The following PTPN13 variants were observed in gnomAD, a reference collection of about 807,000 sequenced individuals.
The protein encoded by PTPN13 is protein tyrosine phosphatase non-receptor type 13, also known as tyrosine-protein phosphatase non-receptor type 13.
Under a neutral mutation model 284.0 loss-of-function variants are expected in PTPN13, and 191 were observed. The ratio of observed to expected loss-of-function variants is 0.67; its 90% CI spans 0.60 to 0.76. The LOEUF is 0.76. Ranked by LOEUF, PTPN13 falls within the 30% of genes least tolerant of loss-of-function variation. PTPN13 has a pLI of 0.00. For synonymous variants in PTPN13, 986 were observed against 1,022.3 expected, an observed-to-expected ratio of 0.96 and a Z score of 0.68; for missense variants, 2,797 against 2,939.9, an observed-to-expected ratio of 0.95 and a Z score of 1.12.
At chr4:86,748,515 A>T (rs1737028475) in intron 17 of PTPN13, among the ~76,000 whole-genome samples, 1 of 152,172 alleles carries the variant, frequency 6.6e-6, no homozygotes, top group Non-Finnish European at 1.5e-5. Context: ...TTCTTTAAGG[A>T]TGGAGAAACC....
chr4:86,676,125 C>T (rs1188810162), intron 3 of PTPN13, among the ~76,000 whole-genome samples: 1 of 152,176 alleles, frequency 6.6e-6, no homozygotes, highest in Non-Finnish European at 1.5e-5. Flanking sequence ...ACCGTACATA[C>T]TTTGTATTAA....
chr4:86,699,036 C>T (rs563343585), intron 6 of PTPN13, among the ~76,000 whole-genome samples: 1 of 152,206 alleles, frequency 6.6e-6, no homozygotes, highest in African/African-American at 2.4e-5. Context: ...ATCCAGAATA[C>T]ATATTGGGGA....
chr4:86,806,549 TA>T lies in PTPN13; in HGVS notation c.6746-1008del, dbSNP rs758820415. Among the ~76,000 whole-genome samples the T allele has an allele frequency of 2.6e-5, 4 of 152,310 alleles. No individual in the cohort carries two copies. In the East Asian group the frequency reaches 5.8e-4, roughly 22 times the overall value. On this transcript the variant is annotated intron_variant, in intron 44 of 47. Coordinates refer to ENST00000411767, the MANE Select transcript of PTPN13 (RefSeq NM_080683.3). Reference sequence around the variant, plus strand: ...AAATGGATCAGATCACTGTTTGGCATAAAGTATATGGGAGTTATTTTAGACA... The same window carrying T: ...AAATGGATCAGATCACTGTTTGGCATAAGTATATGGGAGTTATTTTAGACA...
At chr4:86,612,342 A>T (rs2148624401) in intron 1 of PTPN13, among the ~76,000 whole-genome samples, 1 of 152,368 alleles carries the variant, frequency 6.6e-6, no homozygotes, top group Non-Finnish European at 1.5e-5. Flanking sequence ...ATACATTAAA[A>T]GTTTTATGTA....
intron 7 of PTPN13, among the ~76,000 whole-genome samples, chr4:86,705,563 GTTTTAAAAGTT>G (rs1291744107): frequency 6.6e-6 from 1 of 151,970 alleles, no homozygotes; most frequent in East Asian, 1.9e-4. Flanking sequence ...AACTATTTGT[GTTTTAAAAGTT>G]TTAAAAAGAA....
intron 35 of PTPN13, among the ~76,000 whole-genome samples, chr4:86,777,040 C>G (rs1740738704): frequency 6.6e-6 from 1 of 152,158 alleles, no homozygotes; most frequent in African/African-American, 2.4e-5. Context: ...AACAGTTTCA[C>G]ATTATAAAAC....
intron 16 of PTPN13, among the ~76,000 whole-genome samples, chr4:86,743,730 A>G (rs1736420710): frequency 6.6e-6 from 1 of 152,214 alleles, no homozygotes; most frequent in Admixed American, 6.5e-5. Context: ...AAATTTATAA[A>G]TAACCAAGGC....
At chr4:86,783,209 GAT>G (rs1741518920) in intron 37 of PTPN13, among the ~76,000 whole-genome samples, 1 of 152,138 alleles carries the variant, frequency 6.6e-6, no homozygotes, top group African/African-American at 2.4e-5. Flanking sequence ...GCCATGAAAA[GAT>G]AATTACAGCA....
chr4:86,798,134 G>T (rs1280907349), intron 41 of PTPN13, among the ~76,000 whole-genome samples: 2 of 152,106 alleles, frequency 1.3e-5, no homozygotes, highest in Non-Finnish European at 2.9e-5. Flanking sequence ...CAAAAAGTCA[G>T]AAGGAGCCAA....
intron 16 of PTPN13, among the ~76,000 whole-genome samples, chr4:86,743,720 A>G (rs555133645): frequency 6.6e-6 from 1 of 152,326 alleles, no homozygotes; most frequent in African/African-American, 2.4e-5. Context: ...GTCCATTGAA[A>G]AATTTATAAA....
chr4:86,696,017 A>G (rs897890653), intron 6 of PTPN13, among the ~76,000 whole-genome samples: 1 of 152,038 alleles, frequency 6.6e-6, no homozygotes, highest in Non-Finnish European at 1.5e-5. Flanking sequence ...AAATGCTAAC[A>G]TAATTTAGAT....
At chr4:86,627,340 G>A (rs1412356069) in intron 1 of PTPN13, among the ~76,000 whole-genome samples, 1 of 151,964 alleles carries the variant, frequency 6.6e-6, no homozygotes, top group Non-Finnish European at 1.5e-5. Context: ...TAAAAAAAAT[G>A]AGAAAAGTTA....
chr4:86,785,657 G>A (rs1359730084), intron 39 of PTPN13, among the ~76,000 whole-genome samples, 191 bp from the exon 40 acceptor site: 1 of 152,020 alleles, frequency 6.6e-6, no homozygotes, highest in Non-Finnish European at 1.5e-5. Context: ...TTTAATTTTA[G>A]TAGATAATTT....
intron 17 of PTPN13, among the ~76,000 whole-genome samples, chr4:86,748,944 T>G (rs1010985293): frequency 9.9e-5 from 15 of 152,208 alleles, no homozygotes; most frequent in Non-Finnish European, 1.8e-4. Context: ...CGTGAGCCAC[T>G]GCGCCCAGCC....
At chr4:86,612,368 C>T (rs1719996133) in intron 1 of PTPN13, among the ~76,000 whole-genome samples, 1 of 152,068 alleles carries the variant, frequency 6.6e-6, no homozygotes, top group East Asian at 1.9e-4. Flanking sequence ...TTCATGTGTT[C>T]AAAAGTTAAG....
intron 32 of PTPN13, 100 bp from the exon 33 acceptor site, chr4:86,774,273 G>C (rs1578636944): frequency 1.7e-6 from 2 of 1,193,212 alleles, no homozygotes; most frequent in Non-Finnish European, 2.3e-6. Flanking sequence ...ACCTTTTAAG[G>C]TTTGACTTTC....
Position 86,758,956 on chromosome 4 carries a change from T to A in PTPN13, c.3436T>A (p.Ser1146Thr), listed in dbSNP as rs1738342393. ...TATTTGTACAGGAGACCGTTTGATA[T>A]CTGTGAATAGTGTGAGTCTGGAGGG... ...GCLKPGDRLI[S>T]VNSVSLEGVS... The change falls in exon 23 of 48, where the codon TCT becomes ACT. Residue 1146 changes from serine to threonine, a missense_variant. Coordinates refer to ENST00000411767, the MANE Select transcript of PTPN13 (RefSeq NM_080683.3). 2 of 1,613,310 alleles carry A rather than the reference T, an allele frequency of 1.2e-6. No individual in the cohort carries two copies. Among genetic ancestry groups the A allele is most frequent in the Admixed American group, 1.7e-5 (1 of 59,892 alleles).
chr4:86,716,412 G>A (rs571909620), intron 7 of PTPN13, 118 bp from the exon 8 acceptor site: 1 of 638,820 alleles, frequency 1.6e-6, no homozygotes, highest in Admixed American at 3.4e-5. Flanking sequence ...TCCAGCAATT[G>A]GTAAATTTAA....
chr4:86,636,747 C>G (rs1456569135), intron 2 of PTPN13, among the ~76,000 whole-genome samples: 1 of 151,990 alleles, frequency 6.6e-6, no homozygotes, highest in Non-Finnish European at 1.5e-5. Context: ...AATTGACACC[C>G]TAACATCACA....
Sources: gnomAD v4.1 joint callset for allele counts (sites outside exome capture counted in the v4.1 genomes callset) on GRCh38, gnomAD v4.1.1 for gene constraint, MANE v1.5 for transcripts, NCBI Gene and HGNC (gene_info 2026-07-23, HGNC 2026-07-21) for gene names.